AFF1: variants seen among roughly 807,000 people sequenced by gnomAD.
AFF1 encodes ALF transcription elongation factor 1.
AFF1 carries 48 observed loss-of-function variants against 121.7 expected under a neutral mutation model. That is an observed-to-expected ratio of 0.39 (90% CI 0.31 to 0.50). The LOEUF is 0.50. Ranked by LOEUF, AFF1 falls within the 20% of genes least tolerant of loss-of-function variation. The pLI, the probability that AFF1 is intolerant of heterozygous loss-of-function variation, is 0.76. For synonymous variants in AFF1, 613 were observed against 563.0 expected, an observed-to-expected ratio of 1.09 and a Z score of -1.26; for missense variants, 1,523 against 1,511.7, an observed-to-expected ratio of 1.01 and a Z score of -0.12.
intron 2 of AFF1, among the ~76,000 whole-genome samples, chr4:86,998,452 T>C (rs1459622507): frequency 1.3e-5 from 2 of 152,190 alleles, no homozygotes; most frequent in Non-Finnish European, 2.9e-5. Flanking sequence ...GTGTGTTCAT[T>C]TTATAACGTT....
chr4:86,958,589 G>A (rs1236430613), intron 2 of AFF1, among the ~76,000 whole-genome samples: 1 of 151,876 alleles, frequency 6.6e-6, no homozygotes, highest in African/African-American at 2.4e-5. Context: ...GTGGTGGTAC[G>A]TGCCTGTAGT....
intron 2 of AFF1, among the ~76,000 whole-genome samples, chr4:87,028,277 A>G (rs1048369857): frequency 1.3e-5 from 2 of 151,994 alleles, no homozygotes; most frequent in African/African-American, 4.8e-5. Flanking sequence ...TAGCTTGTAT[A>G]TCATTAAAGT....
intron 2 of AFF1, among the ~76,000 whole-genome samples, chr4:86,960,713 T>G (rs1416289500): frequency 6.6e-6 from 1 of 152,182 alleles, no homozygotes; most frequent in Non-Finnish European, 1.5e-5. Context: ...CAGCTTGCAG[T>G]TAAGGCCTAC....
intron 2 of AFF1, among the ~76,000 whole-genome samples, chr4:87,010,544 A>G (rs1001221914): frequency 1.3e-5 from 2 of 152,210 alleles, no homozygotes; most frequent in African/African-American, 4.8e-5. Context: ...ACTCTGATGG[A>G]AAGTGCATCC....
chr4:87,105,888 T>C, intron 10 of AFF1, 43 bp downstream of exon 10: 1 of 1,604,762 alleles, frequency 6.2e-7, no homozygotes. Flanking sequence ...ATGTTTGCAA[T>C]TTTTTACCAA....
chr4:87,043,107 TTC>T (rs1421856580), intron 2 of AFF1, among the ~76,000 whole-genome samples: 1 of 152,224 alleles, frequency 6.6e-6, no homozygotes, highest in Admixed American at 6.5e-5. Context: ...TGGAGTTCCC[TTC>T]TCTGAGACAA....
chr4:87,132,340 T>C lies in AFF1; in HGVS notation c.3243T>C (p.Ser1081=), dbSNP rs1177618480. The change falls in exon 19 of 21, where the codon TCT becomes TCC. Residue 1081 remains serine, a synonymous_variant. Coordinates refer to ENST00000395146, the MANE Select transcript of AFF1 (RefSeq NM_001166693.3). The part of the protein sequence containing the change: ...RCKKDIAIKY[S]RTLNKHFESS... ...AAAAAGACATAGCAATAAAGTATTC[T>C]CGTACTCTTAATAAACACTTCGAGA... The C allele has an allele frequency of 1.9e-6, 3 of 1,613,456 alleles. No individual in the cohort carries two copies. In the African/African-American group the frequency reaches 4.0e-5, roughly 22 times the overall value.
At chr4:87,073,501 C>T (rs1165784624) in intron 4 of AFF1, among the ~76,000 whole-genome samples, 6 of 151,948 alleles carry the variant, frequency 3.9e-5, no homozygotes, top group South Asian at 2.1e-4. Flanking sequence ...TTTTTTCCCC[C>T]GTTTTTTTTG....
intron 2 of AFF1, among the ~76,000 whole-genome samples, chr4:87,031,946 A>T (rs774646773): frequency 2.0e-5 from 3 of 152,216 alleles, no homozygotes; most frequent in Non-Finnish European, 4.4e-5. Flanking sequence ...ATGCTTTAAG[A>T]TTGATAAATA....
At position 87,115,230 on chromosome 4, in the gene AFF1, C is replaced by T. The variant is rs571268862; in HGVS notation, c.2397C>T (p.Pro799=). 16 of 1,614,036 alleles carry T rather than the reference C, an allele frequency of 9.9e-6. No individual in the cohort carries two copies. Among genetic ancestry groups the T allele is most frequent in the African/African-American group, 4.0e-5 (3 of 75,020 alleles). The change falls in exon 12 of 21, where the codon CCC becomes CCT. Residue 799 remains proline (P), a synonymous_variant. Coordinates refer to ENST00000395146, the MANE Select transcript of AFF1 (RefSeq NM_001166693.3). ...GGAAAGCAGAAGATAAACAGCCGCCCGCAGGGAAGAAGCACAGCTCTGAGA... is the reference window on the plus strand; with the variant it reads ...GGAAAGCAGAAGATAAACAGCCGCCTGCAGGGAAGAAGCACAGCTCTGAGA... ...RQRKAEDKQP[P]AGKKHSSEKR...
chr4:87,012,217 CTTGTTTT>C (rs1347550145), intron 2 of AFF1, among the ~76,000 whole-genome samples: 2 of 115,100 alleles, frequency 1.7e-5, no homozygotes, highest in African/African-American at 5.8e-5. Context: ...CATTTCATTT[CTTGTTTT>C]TTTTTTTTTT....
intron 2 of AFF1, among the ~76,000 whole-genome samples, chr4:87,021,610 T>C (rs1727905897): frequency 6.6e-6 from 1 of 152,228 alleles, no homozygotes; most frequent in Non-Finnish European, 1.5e-5. Flanking sequence ...TTAGGCTCTT[T>C]AGAATCTTTT....
rs907946088 is a variant in AFF1 at position 87,140,654 on chromosome 4, A to G, written c.*4953A>G. On this transcript the variant is annotated 3_prime_UTR_variant, in exon 21 of 21. Transcript: ENST00000395146. ...ACTGTGGAATAACGTGCCAGCTATC[A>G]TCAACACAATGATTTTGTACATAGG... 1.1e-5 allele frequency: 2 copies of G among 189,418 alleles called. No homozygotes were observed. Among genetic ancestry groups the G allele is most frequent in the Non-Finnish European group, 2.2e-5 (2 of 89,848 alleles). The allele number at this position is 189,418 out of a possible 1,614,324, so 11.7% of individuals were successfully genotyped here.
At chr4:87,012,615 T>G (rs938548759) in intron 2 of AFF1, among the ~76,000 whole-genome samples, 1 of 152,222 alleles carries the variant, frequency 6.6e-6, no homozygotes, top group African/African-American at 2.4e-5. Flanking sequence ...TCAATTCATT[T>G]TATTATGAAT....
At chr4:87,015,049 C>T (rs1404666915) in intron 2 of AFF1, among the ~76,000 whole-genome samples, 1 of 152,074 alleles carries the variant, frequency 6.6e-6, no homozygotes, top group Admixed American at 6.6e-5. Flanking sequence ...GAAAATTTTT[C>T]CTTAAAGGAA....
At chr4:86,974,129 A>G (rs1339072582) in intron 2 of AFF1, 5 of 152,178 alleles carry the variant, frequency 3.3e-5, no homozygotes, top group Admixed American at 6.6e-5. Context: ...GAGCAGTGCT[A>G]TGGCAGAATT....
chr4:87,021,605 C>T (rs1480459581), intron 2 of AFF1, among the ~76,000 whole-genome samples: 2 of 152,090 alleles, frequency 1.3e-5, no homozygotes, highest in African/African-American at 2.4e-5. Context: ...GTAATTTAGG[C>T]TCTTTAGAAT....
chr4:87,031,713 AT>A (rs1729105474), intron 2 of AFF1, among the ~76,000 whole-genome samples: 1 of 152,366 alleles, frequency 6.6e-6, no homozygotes, highest in East Asian at 1.9e-4. Context: ...CTTATAAAAT[AT>A]AAATTGTCAC....
At chr4:87,109,021 A>G (rs1176944347) in intron 11 of AFF1, among the ~76,000 whole-genome samples, 1 of 152,226 alleles carries the variant, frequency 6.6e-6, no homozygotes, top group Admixed American at 6.5e-5. Flanking sequence ...TGTTAGTAAC[A>G]TCTAACAGGG....
Sources: allele counts gnomAD v4.1 joint callset (sites outside exome capture counted in the v4.1 genomes callset), GRCh38; gene constraint gnomAD v4.1.1; transcripts MANE v1.5; gene names NCBI Gene and HGNC (gene_info 2026-07-23, HGNC 2026-07-21).